The following FGF12 variants were observed in gnomAD, a reference collection of about 807,000 sequenced individuals.
The protein encoded by FGF12 is fibroblast growth factor 12B.
FGF12 carries 14 observed loss-of-function variants against 23.6 expected under a neutral mutation model. The ratio of observed to expected loss-of-function variants is 0.59; its 90% confidence interval spans 0.39 to 0.93. The LOEUF (loss-of-function observed/expected upper bound fraction) is 0.93. Ranked by LOEUF, FGF12 falls within the 40% of genes least tolerant of loss-of-function variation. The probability of loss-of-function intolerance (pLI) is 0.00; values close to 1 mark genes in which losing one functional copy is unlikely to be tolerated. For missense variants in FGF12, 175 were observed against 217.8 expected (o/e 0.80, Z 1.24); for synonymous variants, 62 against 77.3 (o/e 0.80, Z 1.04).
chr3:192,143,751 C>A lies in FGF12; in HGVS notation c.*258G>T. 2.7e-6 allele frequency: 1 copy of A among 372,014 alleles called. No homozygotes were observed. The highest frequency in any genetic ancestry group is 4.8e-6 in the Non-Finnish European group (1 of 207,728). 23.0% of individuals were successfully genotyped at this position (372,014 alleles called of 1,614,324 possible). On this transcript the variant is annotated 3_prime_UTR_variant, in exon 6 of 6. Coordinates refer to ENST00000445105, the MANE Select transcript of FGF12 (RefSeq NM_004113.6). ...AGTTTAATTTAATATTTATGGAGTT[C>A]TGATTTATTTTTTCCTTTGCTTTTA... is the stretch of plus-strand genomic sequence containing the variant.
chr3:192,634,554 C>T (rs957961394), intron 2 of FGF12, among the ~76,000 whole-genome samples: 2 of 152,094 alleles, frequency 1.3e-5, no homozygotes, highest in Non-Finnish European at 2.9e-5. Context: ...ACTATATATA[C>T]ATATATGCAC....
intron 2 of FGF12, among the ~76,000 whole-genome samples, chr3:192,538,010 G>C (rs949562259): frequency 6.8e-6 from 1 of 147,058 alleles, no homozygotes; most frequent in Non-Finnish European, 1.5e-5. Context: ...GCAATGGTGC[G>C]ATCTCGGCTC....
At chr3:192,570,047 A>T (rs1051027486) in intron 2 of FGF12, among the ~76,000 whole-genome samples, 2 of 152,224 alleles carry the variant, frequency 1.3e-5, no homozygotes, top group Non-Finnish European at 2.9e-5. Context: ...GGCAAGTAAG[A>T]ACCAGAATCT....
chr3:192,647,913 T>C (rs1423421747), intron 2 of FGF12, among the ~76,000 whole-genome samples: 1 of 151,960 alleles, frequency 6.6e-6, no homozygotes, highest in Non-Finnish European at 1.5e-5. Context: ...AAAATATTTA[T>C]GAATAAAAAC....
chr3:192,236,454 G>C (rs762257255), intron 4 of FGF12, among the ~76,000 whole-genome samples: 1 of 152,040 alleles, frequency 6.6e-6, no homozygotes, highest in African/African-American at 2.4e-5. Context: ...ACTGTCACTC[G>C]GGTGTTGAAG....
intron 4 of FGF12, among the ~76,000 whole-genome samples, chr3:192,224,273 C>G (rs1302661532): frequency 6.6e-6 from 1 of 152,120 alleles, no homozygotes; most frequent in African/African-American, 2.4e-5. Flanking sequence ...TAATGACATA[C>G]AATTCCATTT....
chr3:192,349,193 T>C (rs1718096715), intron 3 of FGF12, among the ~76,000 whole-genome samples: 1 of 152,100 alleles, frequency 6.6e-6, no homozygotes, highest in African/African-American at 2.4e-5. Flanking sequence ...TCATTAAGAA[T>C]ATGGACAAAT....
chr3:192,618,661 G>A (rs1262907680), intron 2 of FGF12, among the ~76,000 whole-genome samples: 1 of 152,050 alleles, frequency 6.6e-6, no homozygotes, highest in Non-Finnish European at 1.5e-5. Flanking sequence ...ATTTGAAGCT[G>A]CTAAGTCTTC....
intron 2 of FGF12, among the ~76,000 whole-genome samples, chr3:192,532,663 T>G (rs1322675382): frequency 6.6e-5 from 10 of 152,158 alleles, no homozygotes; most frequent in Admixed American, 6.5e-4. Flanking sequence ...GTGACACACA[T>G]ACACTGTACA....
At chr3:192,188,412 G>A (rs1253444921) in intron 4 of FGF12, among the ~76,000 whole-genome samples, 1 of 152,122 alleles carries the variant, frequency 6.6e-6, no homozygotes, top group Admixed American at 6.5e-5. Context: ...AGAGAATGCC[G>A]CCACTAGGTG....
chr3:192,296,450 C>T (rs1715047302), intron 4 of FGF12, among the ~76,000 whole-genome samples: 1 of 152,054 alleles, frequency 6.6e-6, no homozygotes, highest in Non-Finnish European at 1.5e-5. Flanking sequence ...TCTCAAACTC[C>T]TGAGCTCAAG....
At chr3:192,436,281 C>T (rs560719949) in intron 2 of FGF12, among the ~76,000 whole-genome samples, 2 of 152,332 alleles carry the variant, frequency 1.3e-5, no homozygotes, top group South Asian at 2.1e-4. Flanking sequence ...ATTCACCTTC[C>T]TTTGCGCCTA....
At chr3:192,381,994 C>CT (rs112331195) in intron 2 of FGF12, among the ~76,000 whole-genome samples, 5,118 of 145,320 alleles carry the variant, frequency 0.035, 259 homozygotes, top group African/African-American at 0.12. Context: ...TAGCATAACA[C>CT]TTTTTTTTTT....
intron 4 of FGF12, among the ~76,000 whole-genome samples, chr3:192,203,133 TTGTGTGTG>T (rs57503863): frequency 2.0e-5 from 3 of 148,190 alleles, no homozygotes; most frequent in African/African-American, 4.9e-5. Flanking sequence ...CATTAAATAT[TTGTGTGTG>T]TGTGTGTGTG....
Position 192,641,404 on chromosome 3 carries a change from CTT to C in FGF12, c.13+85775_13+85776del, listed in dbSNP as rs1186966084. ...ACAGGCGTGAGCCACCGCGCCCGGC[CTT>C]TTTTTTTTTTTTTTTGAGACAGAGT... On this transcript the variant is annotated intron_variant, in intron 2 of 5. Transcript: ENST00000445105. Among the ~76,000 whole-genome samples, 4 of 30,262 alleles carry C rather than the reference CTT, an allele frequency of 1.3e-4. 1 individual carries two copies. Among genetic ancestry groups the C allele is most frequent in the Admixed American group, 4.9e-4 (2 of 4,056 alleles). 19.9% of individuals were successfully genotyped at this position (30,262 alleles called of 152,430 possible).
intron 2 of FGF12, among the ~76,000 whole-genome samples, chr3:192,653,915 G>A (rs1044423995): frequency 3.3e-5 from 5 of 151,976 alleles, no homozygotes; most frequent in East Asian, 3.9e-4. Flanking sequence ...CAGTAGAGAC[G>A]GGGTTTCACC....
chr3:192,380,206 C>T (rs1318147395), intron 2 of FGF12, among the ~76,000 whole-genome samples: 1 of 152,134 alleles, frequency 6.6e-6, no homozygotes, highest in Non-Finnish European at 1.5e-5. Flanking sequence ...GTTTCCCTTC[C>T]TTGTCTCATT....
intron 2 of FGF12, among the ~76,000 whole-genome samples, chr3:192,398,471 C>T (rs889353254): frequency 1.3e-5 from 2 of 151,454 alleles, no homozygotes; most frequent in Non-Finnish European, 2.9e-5. Context: ...CTGCAACCTA[C>T]ACCTCCCAGG....
At chr3:192,178,526 T>G (rs1410140376) in intron 4 of FGF12, among the ~76,000 whole-genome samples, 3 of 151,674 alleles carry the variant, frequency 2.0e-5, no homozygotes, top group Non-Finnish European at 2.9e-5. Flanking sequence ...CCAGAGGGAG[T>G]CTCGCTCTGT....
Sources: allele counts gnomAD v4.1 joint callset (sites outside exome capture counted in the v4.1 genomes callset), GRCh38; gene constraint gnomAD v4.1.1; transcripts MANE v1.5; gene names NCBI Gene and HGNC (gene_info 2026-07-23, HGNC 2026-07-21).